ARHGEF6: variants seen among roughly 807,000 people sequenced by gnomAD.
ARHGEF6 encodes the protein rho guanine nucleotide exchange factor 6.
Under a neutral mutation model 70.3 loss-of-function variants are expected in ARHGEF6, and 9 were observed. The observed-to-expected ratio is 0.13, with a 90% confidence interval of 0.08 to 0.22. The LOEUF is 0.22. Among genes scored for constraint, ARHGEF6 ranks in the 10% least tolerant of loss-of-function variants. The probability of loss-of-function intolerance (pLI) is 1.00; values close to 1 mark genes in which losing one functional copy is unlikely to be tolerated. For missense variants in ARHGEF6, 470 were observed against 563.0 expected (o/e 0.83, Z 1.67); for synonymous variants, 201 against 207.8 (o/e 0.97, Z 0.28).
At chrX:136,692,377 C>T (rs2076467901) in intron 9 of ARHGEF6, among the ~76,000 whole-genome samples, 2 of 111,468 alleles carry the variant, frequency 1.8e-5, no homozygotes, top group South Asian at 7.6e-4. Context: ...CAGGCATGAA[C>T]CACCGCACCC....
intron 6 of ARHGEF6, among the ~76,000 whole-genome samples, chrX:136,727,325 T>TTCTCTTTCTTTCTTTC (rs1556284733): frequency 3.3e-5 from 2 of 61,088 alleles, no homozygotes; most frequent in Admixed American, 1.8e-4. Context: ...CTTTCTTTCT[T>TTCTCTTTCTTTCTTTC]TTTCTTTCTT....
At chrX:136,686,631 T>TATATACAC (rs2076397086) in intron 11 of ARHGEF6, among the ~76,000 whole-genome samples, 17 of 76,279 alleles carry the variant, frequency 2.2e-4, no homozygotes, top group African/African-American at 1.2e-3. Context: ...TACACATATA[T>TATATACAC]ATATATATAT....
intron 10 of ARHGEF6, among the ~76,000 whole-genome samples, chrX:136,689,266 T>C (rs1256422134): frequency 9.0e-6 from 1 of 111,661 alleles, no homozygotes; most frequent in African/African-American, 3.3e-5. Context: ...TATTTTCTGA[T>C]GATGGGAAAT....
At chrX:136,710,969 G>C (rs2076678732) in intron 7 of ARHGEF6, among the ~76,000 whole-genome samples, 1 of 111,699 alleles carries the variant, frequency 9.0e-6, no homozygotes, top group Non-Finnish European at 1.9e-5. Flanking sequence ...CCTCCGCCCA[G>C]CCAGAATGGC....
At chrX:136,776,902 A>G (rs908533906) in intron 2 of ARHGEF6, among the ~76,000 whole-genome samples, 1 of 110,104 alleles carries the variant, frequency 9.1e-6, no homozygotes, top group African/African-American at 3.3e-5. Context: ...TAAATAAATA[A>G]ATAAATAAAT....
intron 2 of ARHGEF6, among the ~76,000 whole-genome samples, chrX:136,760,208 G>A (rs1414528794): frequency 8.9e-6 from 1 of 112,646 alleles, no homozygotes; most frequent in Non-Finnish European, 1.9e-5. Flanking sequence ...AAACTGGCAA[G>A]TGCCTTCACA....
At chrX:136,685,194 GTTTTTGTGCCCCC>G (rs748620836) in intron 12 of ARHGEF6, among the ~76,000 whole-genome samples, 1 of 111,150 alleles carries the variant, frequency 9.0e-6, no homozygotes. Context: ...CTCCCCTTTT[GTTTTTGTGCCCCC>G]TCCTCAAGTC....
intron 2 of ARHGEF6, among the ~76,000 whole-genome samples, chrX:136,764,297 G>A (rs926924173): frequency 1.8e-5 from 2 of 111,936 alleles, no homozygotes; most frequent in Non-Finnish European, 1.9e-5. Flanking sequence ...AGAAATGGGT[G>A]TATATATTCT....
At chrX:136,748,668 T>C (rs1230871902) in intron 2 of ARHGEF6, among the ~76,000 whole-genome samples, 1 of 111,675 alleles carries the variant, frequency 9.0e-6, no homozygotes, top group Admixed American at 9.5e-5. Context: ...AGAAAACAGA[T>C]TGCATCATTT....
At chrX:136,732,830 C>T (rs2076949131) in intron 5 of ARHGEF6, among the ~76,000 whole-genome samples, 1 of 111,351 alleles carries the variant, frequency 9.0e-6, no homozygotes, top group Non-Finnish European at 1.9e-5. Flanking sequence ...ATGGGTTTAT[C>T]AGTATGTAAC....
At chrX:136,737,488 T>C (rs2076998389) in intron 5 of ARHGEF6, 16 of 719,942 alleles carry the variant, frequency 2.2e-5, no homozygotes, top group Non-Finnish European at 2.3e-5. Context: ...AAAAAGGGTT[T>C]CACTACATCA....
chrX:136,729,874 C>T (rs2076917875), intron 6 of ARHGEF6, among the ~76,000 whole-genome samples: 1 of 109,689 alleles, frequency 9.1e-6, no homozygotes, highest in Admixed American at 9.8e-5. Flanking sequence ...ACATAATTTC[C>T]TGTTTTATTT....
chrX:136,668,763 C>G (rs1056492655), intron 21 of ARHGEF6, among the ~76,000 whole-genome samples: 1 of 109,411 alleles, frequency 9.1e-6, no homozygotes, highest in African/African-American at 3.3e-5. Context: ...TCTCTCAACA[C>G]CCCAAACTTC....
intron 19 of ARHGEF6, 32 bp from the exon 20 acceptor site, chrX:136,672,151 G>C (rs751224264): frequency 9.5e-6 from 10 of 1,052,244 alleles, no homozygotes; most frequent in Non-Finnish European, 1.2e-5. Flanking sequence ...TGGGGGAGGA[G>C]GGAGAGTTAC....
At chrX:136,712,283 T>G (rs2076694348) in intron 7 of ARHGEF6, among the ~76,000 whole-genome samples, 1 of 111,455 alleles carries the variant, frequency 9.0e-6, no homozygotes, top group South Asian at 3.8e-4. Context: ...TAATTTGCTT[T>G]TGTATTTTTA....
chrX:136,743,132 T>G (rs756615871), intron 5 of ARHGEF6, among the ~76,000 whole-genome samples: 2 of 112,150 alleles, frequency 1.8e-5, no homozygotes, highest in South Asian at 7.5e-4. Flanking sequence ...GACAGCTTCC[T>G]GCAGCCCTAT....
At position 136,690,677 on chromosome X, in the gene ARHGEF6, A is replaced by G. The variant is rs2076449126; in HGVS notation, c.1118T>C (p.Leu373Pro). 8.3e-7 allele frequency: 1 copy of G among 1,210,598 alleles called. No homozygotes were observed. The highest frequency in any genetic ancestry group is 1.1e-6 in the Non-Finnish European group (1 of 894,719). The change falls in exon 10 of 22, where the codon CTC (leucine) becomes CCC (proline). Residue 373 changes from leucine to proline, a missense_variant. By Grantham distance (98) the Leu-to-Pro change is moderately conservative. Coordinates refer to ENST00000250617, the MANE Select transcript of ARHGEF6 (RefSeq NM_004840.3). ...SPGILILTTN[L>P]SKPFMRLEKY... is the part of the protein sequence containing the mutation. ...CTCCAGTCGCATGAATGGTTTGCTG[A>G]GGTTTGTTGTTAAAATGAGGATACC...
intron 3 of ARHGEF6, among the ~76,000 whole-genome samples, chrX:136,745,871 T>C (rs5974622): frequency 0.012 from 1,337 of 111,707 alleles, 23 homozygotes; most frequent in African/African-American, 0.042. Context: ...GGGAAAGATG[T>C]AATCTTGATA....
chrX:136,724,920 ATAT>A (rs1307032143), intron 6 of ARHGEF6, among the ~76,000 whole-genome samples: 1 of 112,237 alleles, frequency 8.9e-6, no homozygotes, highest in Admixed American at 9.4e-5. Flanking sequence ...AAAATCATAG[ATAT>A]TATTTTCATC....
Sources: gnomAD v4.1 joint callset for allele counts (sites outside exome capture counted in the v4.1 genomes callset) on GRCh38, gnomAD v4.1.1 for gene constraint, MANE v1.5 for transcripts, NCBI Gene and HGNC (gene_info 2026-07-23, HGNC 2026-07-21) for gene names.